LIMD2: variants seen among roughly 807,000 people sequenced by gnomAD.
LIMD2 encodes LIM domain containing 2.
Under a neutral mutation model 16.0 loss-of-function variants are expected in LIMD2, and 11 were observed. The ratio of observed to expected loss-of-function variants is 0.69; its 90% CI spans 0.43 to 1.14. The LOEUF (loss-of-function observed/expected upper bound fraction) is 1.14, where lower values mean the gene tolerates loss of function less well. LIMD2 is among the 50% of genes most tolerant of loss of function. The pLI is 0.00. For missense variants in LIMD2, 168 were observed against 165.8 expected (o/e 1.01, Z -0.07); for synonymous variants, 60 against 67.1 (o/e 0.89, Z 0.52).
chr17:63,697,353 C>T lies in LIMD2; in HGVS notation c.*1199G>A, dbSNP rs968796110. 1.3e-5 allele frequency: 2 copies of T among 152,200 alleles called. No individual in the cohort carries two copies. The highest frequency in any genetic ancestry group is 2.4e-5 in the African/African-American group (1 of 41,418). The allele number at this position is 152,200 out of a possible 1,614,324, so 9.4% of individuals were successfully genotyped here. A position where few individuals can be genotyped will look rare whatever the true frequency, so the allele number is the denominator to read the frequency against. On this transcript the variant is annotated 3_prime_UTR_variant, in exon 5 of 5. Coordinates refer to ENST00000259006, the MANE Select transcript of LIMD2 (RefSeq NM_030576.4). Reference sequence around the variant, plus strand: ...AGCACTTGCTGGGTCTGCTGGTTACCGCCATTCTTCGCTAACTTACTTCCA... The same window carrying T: ...AGCACTTGCTGGGTCTGCTGGTTACTGCCATTCTTCGCTAACTTACTTCCA...
At chr17:63,699,100 A>G (rs763937615) in intron 2 of LIMD2, 31 bp from the exon 3 acceptor site, 1 of 1,589,186 alleles carries the variant, frequency 6.3e-7, no homozygotes, top group Admixed American at 1.7e-5. Context: ...GGGCAGGGGC[A>G]GCTCCGGGAG....
In LIMD2 at chr17:63,697,453, G is replaced by A. The variant is rs2035709372; in HGVS notation, c.*1099C>T. On this transcript the variant is annotated 3_prime_UTR_variant, in exon 5 of 5. Transcript: ENST00000259006. ...AGGGAACGCGGCAGCTTGCACCCCA[G>A]GCACTGAAGTGCAGCGAGGACAGGC... 6.6e-6 allele frequency: 1 copy of A among 152,242 alleles called. No homozygotes were observed. Among genetic ancestry groups the A allele is most frequent in the Non-Finnish European group, 1.5e-5 (1 of 68,062 alleles). 9.4% of individuals were successfully genotyped at this position (152,242 alleles called of 1,614,324 possible). A position where few individuals can be genotyped will look rare whatever the true frequency, so the allele number is the denominator to read the frequency against.
Position 63,698,331 on chromosome 17 carries a change from G to A in LIMD2, c.*221C>T. The A allele has an allele frequency of 1.6e-6, 1 of 612,836 alleles. No homozygotes were observed. Among genetic ancestry groups the A allele is most frequent in the East Asian group, 2.9e-5 (1 of 35,054 alleles). The allele number at this position is 612,836 out of a possible 1,614,324, so 38.0% of individuals were successfully genotyped here. On this transcript the variant is annotated 3_prime_UTR_variant, in exon 5 of 5. Coordinates refer to ENST00000259006, the MANE Select transcript of LIMD2 (RefSeq NM_030576.4). ...GAGGCTGAACGAAGCAGGAAGCAGGGTGGTGGGCAGACCCCAATCCTGGTT... is the reference window on the plus strand; with the variant it reads ...GAGGCTGAACGAAGCAGGAAGCAGGATGGTGGGCAGACCCCAATCCTGGTT...
intron 1 of LIMD2, chr17:63,699,672 A>C: frequency 3.5e-6 from 1 of 289,292 alleles, no homozygotes; most frequent in Non-Finnish European, 5.3e-6. Flanking sequence ...CGGGGCCGCG[A>C]TGAGAAGCCG....
At position 63,698,683 on chromosome 17, in the gene LIMD2, C is replaced by A; in HGVS notation, c.253G>T (p.Glu85Ter). Residue 85 changes from glutamate to a stop codon, truncating the protein, a stop_gained, in exon 5 of 5, where the codon GAG (glutamate) becomes TAG (stop). Coordinates refer to ENST00000259006, the MANE Select transcript of LIMD2 (RefSeq NM_030576.4). LOFTEE classifies it high-confidence loss of function. ...SLGSYAALHG[E>*]FYCKPHFQQL... ...TGGAAGTGGGGTTTGCAGTAGAACT[C>A]CCCGTGCAGCGCGGCGTAGCTGCCC... 12 of 1,613,706 alleles carry A rather than the reference C, an allele frequency of 7.4e-6. No individual in the cohort carries two copies. Among genetic ancestry groups the A allele is most frequent in the Non-Finnish European group, 1.0e-5 (12 of 1,179,990 alleles).
rs2035762646 is a variant in LIMD2, at chr17:63,700,073, G to A, written c.-92C>T. On this transcript the variant is annotated 5_prime_UTR_variant, in exon 1 of 5. Transcript: ENST00000259006. The surrounding 1 kb of genome is among the most constrained non-coding windows in gnomAD (Gnocchi z 7.1). Reference sequence around the variant, plus strand: ...CGCGGGGCGGGATCGGTCTCCGGGGGCGCACGGGTACGAGGAGGGCGCGGG... The same window carrying A: ...CGCGGGGCGGGATCGGTCTCCGGGGACGCACGGGTACGAGGAGGGCGCGGG... 5.1e-6 allele frequency: 5 copies of A among 984,652 alleles called. No homozygotes were observed. Among genetic ancestry groups the A allele is most frequent in the Non-Finnish European group, 6.0e-6 (5 of 829,352 alleles). 61.0% of individuals were successfully genotyped at this position (984,652 alleles called of 1,614,324 possible).
rs921298903 is a variant in LIMD2 at position 63,697,897 on chromosome 17, G to C, written c.*655C>G. The C allele has an allele frequency of 6.5e-6, 1 of 153,124 alleles. No individual in the cohort carries two copies. Among genetic ancestry groups the C allele is most frequent in the Non-Finnish European group, 1.5e-5 (1 of 68,746 alleles). The allele number at this position is 153,124 out of a possible 1,614,324, so 9.5% of individuals were successfully genotyped here. ...GGGAGCGGGGGAGGGGAGTGGGGCCGCACCAGCCCCTGCCAGTGCCTGAGG... is the reference window on the plus strand; with the variant it reads ...GGGAGCGGGGGAGGGGAGTGGGGCCCCACCAGCCCCTGCCAGTGCCTGAGG... On this transcript the variant is annotated 3_prime_UTR_variant, in exon 5 of 5. Coordinates refer to ENST00000259006, the MANE Select transcript of LIMD2 (RefSeq NM_030576.4).
In LIMD2 at chr17:63,698,209, G is replaced by A. The variant is rs2035720930; in HGVS notation, c.*343C>T. ...TGGCAGTGAGGGAGCTTGGGACCCT[G>A]AGGGGGGCATGCTGACTCCTTGCTG... On this transcript the variant is annotated 3_prime_UTR_variant, in exon 5 of 5. Coordinates refer to ENST00000259006, the MANE Select transcript of LIMD2 (RefSeq NM_030576.4). 1 of 303,306 alleles carries A rather than the reference G, an allele frequency of 3.3e-6. No homozygotes were observed. Among genetic ancestry groups the A allele is most frequent in the African/African-American group, 2.2e-5 (1 of 46,092 alleles). 18.8% of individuals were successfully genotyped at this position (303,306 alleles called of 1,614,324 possible). A position where few individuals can be genotyped will look rare whatever the true frequency, so the allele number is the denominator to read the frequency against.
chr17:63,698,509 G>A lies in LIMD2; in HGVS notation c.*43C>T, dbSNP rs1484188275. The A allele has an allele frequency of 5.0e-6, 8 of 1,600,260 alleles. No individual in the cohort carries two copies. The highest frequency in any genetic ancestry group is 2.2e-5 in the East Asian group (1 of 44,558). ...ACCTCCTTCCCACCTTCCCCCTGCC[G>A]GCTCCAGGCCTTCCGCAGAGGGGGT... On this transcript the variant is annotated 3_prime_UTR_variant, in exon 5 of 5. Transcript: ENST00000259006.
intron 2 of LIMD2, 41 bp downstream of exon 2, chr17:63,699,216 G>A: frequency 6.2e-7 from 1 of 1,608,356 alleles, no homozygotes; most frequent in Non-Finnish European, 8.5e-7. Flanking sequence ...CCCAGGCCAG[G>A]CTCCTGTCCG....
At chr17:63,699,165 C>T in intron 2 of LIMD2, 92 bp downstream of exon 2, 1 of 1,585,384 alleles carries the variant, frequency 6.3e-7, no homozygotes, top group Non-Finnish European at 8.6e-7. Flanking sequence ...CGCCGCAGGG[C>T]ACAAAGGGGG....
chr17:63,700,230 C>T, upstream of LIMD2: 3 of 904,844 alleles, frequency 3.3e-6, no homozygotes, highest in Non-Finnish European at 4.0e-6. This position sits in a 1 kb window ranked among gnomAD's most constrained non-coding sequence, Gnocchi z 7.1. Flanking sequence ...GCCTTCGGGG[C>T]CCCGGCGCCG....
chr17:63,699,276 G>A lies in LIMD2; in HGVS notation c.23C>T (p.Ala8Val). MFQAAGA[A>V]QATPSHDAKG... is the part of the protein sequence containing the mutation. ...ACTTACATGAGAGGGGGTGGCCTGG[G>A]CGGCTCCTGCAGCCTGGAACATGGC... The change falls in exon 2 of 5, where the codon GCC becomes GTC. Residue 8 changes from alanine to valine, a missense_variant. Physicochemically the swap from Ala to Val is moderately conservative, Grantham distance 64 (BLOSUM62 0). Coordinates refer to ENST00000259006, the MANE Select transcript of LIMD2 (RefSeq NM_030576.4). 6.2e-7 allele frequency: 1 copy of A among 1,610,962 alleles called. No individual in the cohort carries two copies. The highest frequency in any genetic ancestry group is 1.1e-5 in the South Asian group (1 of 90,828).
At chr17:63,699,198 C>T (rs1383225416) in intron 2 of LIMD2, 59 bp downstream of exon 2, 16 of 1,601,580 alleles carry the variant, frequency 1.0e-5, no homozygotes, top group Non-Finnish European at 4.3e-6. Flanking sequence ...GATGCCTCTC[C>T]CCTTCACCCC....
At position 63,696,949 on chromosome 17, in the gene LIMD2, C is replaced by T. The variant is rs984351999; in HGVS notation, c.*1603G>A. On this transcript the variant is annotated 3_prime_UTR_variant, in exon 5 of 5. Transcript: ENST00000259006. ...TGGAGCCTGTGGCCCAGCTCCCTGC[C>T]CTGTTCCACGGGGAGGCCACTTAGG... 2 of 152,276 alleles carry T rather than the reference C, an allele frequency of 1.3e-5. No homozygotes were observed. The highest frequency in any genetic ancestry group is 4.8e-5 in the African/African-American group (2 of 41,444). The allele number at this position is 152,276 out of a possible 1,614,324, so 9.4% of individuals were successfully genotyped here.
chr17:63,701,145 C>G (rs1304163455), upstream of LIMD2: 1 of 152,326 alleles, frequency 6.6e-6, no homozygotes, highest in East Asian at 1.9e-4. Flanking sequence ...TTCCCGGGCA[C>G]CAGGGACTGC....
Position 63,698,824 on chromosome 17 carries a change from A to C in LIMD2, c.199T>G (p.Cys67Gly). ...KLIFHNSCFCCKHCHTKLSLG... is the reference protein window; with the variant it reads ...KLIFHNSCFCGKHCHTKLSLG... Reference sequence around the variant, plus strand: ...CTGAGCTTGGTGTGACAGTGCTTGCAGCAGAAGCAAGAGTTGTGGAAAATG... The same window carrying C: ...CTGAGCTTGGTGTGACAGTGCTTGCCGCAGAAGCAAGAGTTGTGGAAAATG... Residue 67 changes from cysteine to glycine, a missense_variant, in exon 4 of 5, where the codon TGC becomes GGC. Cys to Gly is a radical substitution (Grantham distance 159). Coordinates refer to ENST00000259006, the MANE Select transcript of LIMD2 (RefSeq NM_030576.4). 6.2e-7 allele frequency: 1 copy of C among 1,612,758 alleles called. No homozygotes were observed. Among genetic ancestry groups the C allele is most frequent in the Non-Finnish European group, 8.5e-7 (1 of 1,179,898 alleles).
Position 63,698,728 on chromosome 17 carries a change from A to G in LIMD2, c.225-17T>C, listed in dbSNP as rs200726300. On this transcript the variant is annotated splice_polypyrimidine_tract_variant and intron_variant, in intron 4 of 4. Coordinates refer to ENST00000259006, the MANE Select transcript of LIMD2 (RefSeq NM_030576.4). Reference sequence around the variant, plus strand: ...CTGCCCAGGCTGCAGAAGCCAAACAACGGCGTCAGGTCAGGTCAGGTCGGG... The same window carrying G: ...CTGCCCAGGCTGCAGAAGCCAAACAGCGGCGTCAGGTCAGGTCAGGTCGGG... The G allele has an allele frequency of 1.1e-5, 17 of 1,592,124 alleles. No homozygotes were observed. The highest frequency in any genetic ancestry group is 3.3e-4 in the Middle Eastern group (2 of 5,996).
intron 1 of LIMD2, 190 bp downstream of exon 1, chr17:63,699,842 G>C: frequency 1.0e-6 from 1 of 979,690 alleles, no homozygotes; most frequent in Non-Finnish European, 1.2e-6. Flanking sequence ...CCGACGCCGC[G>C]AGCCCCGCCA....
Sources: allele counts gnomAD v4.1 joint callset, GRCh38; gene constraint gnomAD v4.1.1; non-coding constraint Gnocchi (gnomAD v3.1); transcripts MANE v1.5; gene names NCBI Gene and HGNC (gene_info 2026-07-23, HGNC 2026-07-21).